C2CD3: variants seen among roughly 807,000 people sequenced by gnomAD.
The protein encoded by C2CD3 is C2 domain containing 3 centriole elongation regulator.
Under a neutral mutation model 234.0 loss-of-function variants are expected in C2CD3, and 148 were observed. That is an observed-to-expected ratio of 0.63 (90% CI 0.55 to 0.72). The LOEUF is 0.72. C2CD3 is among the 30% of genes least tolerant of loss of function. The probability of loss-of-function intolerance (pLI) is 0.00; values close to 1 mark genes in which losing one functional copy is unlikely to be tolerated. For synonymous variants in C2CD3, 1,000 were observed against 1,035.4 expected (o/e 0.97, Z 0.66); for missense variants, 2,577 against 2,811.5 (o/e 0.92, Z 1.89).
chr11:74,131,972 T>C (rs775910289), intron 7 of C2CD3, among the ~76,000 whole-genome samples: 4 of 152,222 alleles, frequency 2.6e-5, no homozygotes, highest in Non-Finnish European at 5.9e-5. Context: ...CAGTATCTTT[T>C]ATTCAAGAGA....
In C2CD3 at chr11:74,118,343, C is replaced by T; in HGVS notation, c.1405G>A (p.Asp469Asn). The T allele has an allele frequency of 1.2e-6, 2 of 1,613,064 alleles. No individual in the cohort carries two copies. The highest frequency in any genetic ancestry group is 1.7e-6 in the Non-Finnish European group (2 of 1,179,074). Residue 469 changes from aspartate (D) to asparagine (N), a missense_variant, in exon 9 of 33, where the codon GAT (aspartate) becomes AAT (asparagine). Coordinates refer to ENST00000334126, the MANE Select transcript of C2CD3 (RefSeq NM_001286577.2). Reference protein sequence around the residue: ...TSISDFLSEEDDIVPSKKISQ... With the variant: ...TSISDFLSEENDIVPSKKISQ... ...ATTTTTTTAGAAGGGACGATATCAT[C>T]CTCTTCACTGAGGAAATCACTGATG...
chr11:74,039,126 C>G (rs567316082), intron 29 of C2CD3, among the ~76,000 whole-genome samples: 13 of 152,296 alleles, frequency 8.5e-5, no homozygotes, highest in African/African-American at 3.1e-4. Flanking sequence ...GGATAAACAT[C>G]TGCAGGAGGA....
At chr11:74,025,460 G>A (rs528782841) in intron 32 of C2CD3, among the ~76,000 whole-genome samples, 1 of 152,200 alleles carries the variant, frequency 6.6e-6, no homozygotes, top group East Asian at 1.9e-4. Flanking sequence ...GCTCCTGGGA[G>A]TAAAAATATT....
At chr11:74,079,523 G>A (rs1217065959) in intron 22 of C2CD3, among the ~76,000 whole-genome samples, 1 of 150,678 alleles carries the variant, frequency 6.6e-6, no homozygotes, top group Non-Finnish European at 1.5e-5. Flanking sequence ...CACTGCACCT[G>A]GACAAAAACT....
At chr11:74,041,961 C>G in intron 29 of C2CD3, 93 bp downstream of exon 29, 3 of 1,276,082 alleles carry the variant, frequency 2.4e-6, no homozygotes, top group Non-Finnish European at 3.3e-6. Flanking sequence ...AGGGCGGTGG[C>G]AGGTGATGGA....
chr11:74,021,214 A>T (rs1212880699), intron 32 of C2CD3, among the ~76,000 whole-genome samples: 2 of 152,122 alleles, frequency 1.3e-5, no homozygotes, highest in African/African-American at 4.8e-5. Context: ...ACTGCACTCC[A>T]GTCTGGGCAA....
intron 2 of C2CD3, among the ~76,000 whole-genome samples, chr11:74,163,551 C>T (rs962772623): frequency 8.5e-5 from 13 of 152,106 alleles, no homozygotes; most frequent in African/African-American, 2.7e-4. Flanking sequence ...TTAGCTCTCA[C>T]GAGATCTGAT....
chr11:74,027,377 G>C (rs1443696985), intron 32 of C2CD3, among the ~76,000 whole-genome samples: 1 of 152,088 alleles, frequency 6.6e-6, no homozygotes, highest in Non-Finnish European at 1.5e-5. Context: ...CAAAGTGCTG[G>C]GATTACAGGT....
intron 24 of C2CD3, among the ~76,000 whole-genome samples, chr11:74,059,428 A>T (rs1469456607): frequency 2.0e-5 from 3 of 151,240 alleles, no homozygotes; most frequent in Non-Finnish European, 4.4e-5. Flanking sequence ...AAAAAAAAAA[A>T]AAAAAAAGAA....
chr11:74,128,428 G>A (rs1437206826), intron 7 of C2CD3: 1 of 151,962 alleles, frequency 6.6e-6, no homozygotes, highest in Non-Finnish European at 1.5e-5. Context: ...TGTGCTTTTG[G>A]TGTCATATCT....
intron 31 of C2CD3, among the ~76,000 whole-genome samples, chr11:74,029,422 A>G (rs1008975263): frequency 1.3e-5 from 2 of 152,240 alleles, no homozygotes; most frequent in Non-Finnish European, 2.9e-5. Flanking sequence ...TAAGTACTCA[A>G]TAAATATCTT....
At chr11:74,031,762 G>A (rs906316516) in intron 31 of C2CD3, among the ~76,000 whole-genome samples, 2 of 152,180 alleles carry the variant, frequency 1.3e-5, no homozygotes, top group South Asian at 2.1e-4. Flanking sequence ...TAGGGTCTGG[G>A]CACATGTGGC....
chr11:74,129,738 G>T (rs1957573357), intron 7 of C2CD3: 1 of 181,954 alleles, frequency 5.5e-6, no homozygotes, highest in African/African-American at 2.7e-5. Flanking sequence ...GGGAGGTGGA[G>T]GTTGTAGCGA....
At chr11:74,150,785 A>C (rs1222564306) in intron 3 of C2CD3, among the ~76,000 whole-genome samples, 1 of 152,102 alleles carries the variant, frequency 6.6e-6, no homozygotes, top group Non-Finnish European at 1.5e-5. Context: ...ACATTTAAAA[A>C]ATTAATAACA....
chr11:74,059,065 G>A (rs1252705901), intron 24 of C2CD3, among the ~76,000 whole-genome samples: 1 of 152,070 alleles, frequency 6.6e-6, no homozygotes, highest in Non-Finnish European at 1.5e-5. Context: ...TGAATGTCAG[G>A]ATTACAGATG....
chr11:74,123,113 A>G lies in C2CD3; in HGVS notation c.1240T>C (p.Phe414Leu). 6.2e-7 allele frequency: 1 copy of G among 1,613,262 alleles called. No homozygotes were observed. Among genetic ancestry groups the G allele is most frequent in the Non-Finnish European group, 8.5e-7 (1 of 1,179,224 alleles). ...LGSAELSQGN[F>L]WDGLGSPPDS... Reference sequence around the variant, plus strand: ...GGAGGAGAGCCTAGCCCATCCCAGAAATTGCCTTGGGATAATTCAGCACTG... The same window carrying G: ...GGAGGAGAGCCTAGCCCATCCCAGAGATTGCCTTGGGATAATTCAGCACTG... The change falls in exon 8 of 33, where the codon TTC becomes CTC. Residue 414 changes from phenylalanine to leucine, a missense_variant. By Grantham distance (22) the Phe-to-Leu change is conservative. Coordinates refer to ENST00000334126, the MANE Select transcript of C2CD3 (RefSeq NM_001286577.2).
chr11:74,124,437 C>G (rs1202155213), intron 7 of C2CD3, among the ~76,000 whole-genome samples: 1 of 152,116 alleles, frequency 6.6e-6, no homozygotes, highest in East Asian at 1.9e-4. Context: ...TCAGACAATT[C>G]TTTATCTTTG....
intron 24 of C2CD3, among the ~76,000 whole-genome samples, chr11:74,068,840 C>T (rs1267843900): frequency 6.6e-6 from 1 of 152,208 alleles, no homozygotes; most frequent in African/African-American, 2.4e-5. Flanking sequence ...CTCACTCACT[C>T]TGTCGCCCAG....
In C2CD3 at chr11:74,144,803, T is replaced by G. The variant is rs147910089; in HGVS notation, c.484-4975A>C. Reference sequence around the variant, plus strand: ...GATCTCATTCTTTTTTATGGCTGCATAGTTTTCCATAGTGTATACGTACCA... The same window carrying G: ...GATCTCATTCTTTTTTATGGCTGCAGAGTTTTCCATAGTGTATACGTACCA... On this transcript the variant is annotated intron_variant, in intron 3 of 32. Transcript: ENST00000334126. 7.0e-3 allele frequency among the ~76,000 whole-genome samples: 1,067 copies of G among 152,284 alleles called. 7 individuals carry two copies. The highest frequency in any genetic ancestry group is 0.011 in the Non-Finnish European group (768 of 68,028).
Sources: allele counts gnomAD v4.1 joint callset (sites outside exome capture counted in the v4.1 genomes callset), GRCh38; gene constraint gnomAD v4.1.1; transcripts MANE v1.5; gene names NCBI Gene and HGNC (gene_info 2026-07-23, HGNC 2026-07-21).